The following BICC1 variants were observed in gnomAD, a reference collection of about 807,000 sequenced individuals.
BICC1 encodes the protein BicC family RNA binding protein 1, also known as protein bicaudal C homolog 1.
Under a neutral mutation model 111.0 loss-of-function variants are expected in BICC1, and 43 were observed. The observed-to-expected ratio is 0.39, with a 90% CI of 0.30 to 0.50. The LOEUF (loss-of-function observed/expected upper bound fraction) is 0.50, where lower values mean the gene tolerates loss of function less well. Ranked by LOEUF, BICC1 falls within the 20% of genes least tolerant of loss-of-function variation. The pLI, the probability that BICC1 is intolerant of heterozygous loss-of-function variation, is 0.88. For synonymous variants in BICC1, 467 were observed against 434.4 expected (o/e 1.07, Z -0.93); for missense variants, 1,091 against 1,203.2 (o/e 0.91, Z 1.38).
chr10:58,616,488 G>A (rs1845611258), intron 1 of BICC1, among the ~76,000 whole-genome samples: 1 of 152,218 alleles, frequency 6.6e-6, no homozygotes, highest in African/African-American at 2.4e-5. Flanking sequence ...CTACAGCCAG[G>A]TGGGGGTGTA....
intron 1 of BICC1, among the ~76,000 whole-genome samples, chr10:58,533,227 T>C (rs1258731266): frequency 2.6e-5 from 4 of 151,870 alleles, no homozygotes; most frequent in Non-Finnish European, 5.9e-5. Context: ...TTAAATAATT[T>C]CCATGGGGAA....
chr10:58,623,137 T>C (rs1202316348), intron 2 of BICC1, among the ~76,000 whole-genome samples: 1 of 152,216 alleles, frequency 6.6e-6, no homozygotes, highest in Non-Finnish European at 1.5e-5. Context: ...CTTTATGTTT[T>C]TTTGTACCAT....
chr10:58,630,539 C>T (rs1318833783), intron 2 of BICC1, among the ~76,000 whole-genome samples: 1 of 152,132 alleles, frequency 6.6e-6, no homozygotes, highest in African/African-American at 2.4e-5. Flanking sequence ...AGCCATCCTC[C>T]CACCTTAGCC....
At position 58,716,361 on chromosome 10, in the gene BICC1, A is replaced by G. The variant is rs745990314; in HGVS notation, c.307+14218A>G. ...GGAAATTTCAACTGTGAAAACTACA[A>G]CATATTTACTAACATGCATGAATTT... On this transcript the variant is annotated intron_variant, in intron 3 of 20. Coordinates refer to ENST00000373886, the MANE Select transcript of BICC1 (RefSeq NM_001080512.3). 327 of 1,265,784 alleles carry G rather than the reference A, an allele frequency of 2.6e-4. 1 individual carries two copies. The highest frequency in any genetic ancestry group is 3.1e-4 in the Non-Finnish European group (299 of 952,590). 78.4% of individuals were successfully genotyped at this position (1,265,784 alleles called of 1,614,324 possible).
chr10:58,755,667 AT>A (rs974605507), intron 3 of BICC1, among the ~76,000 whole-genome samples: 13 of 150,528 alleles, frequency 8.6e-5, no homozygotes, highest in African/African-American at 2.7e-4. Flanking sequence ...CCTGTCTTGT[AT>A]TTTTTTTTCT....
chr10:58,762,528 T>C (rs1313135496), intron 3 of BICC1, among the ~76,000 whole-genome samples: 2 of 152,092 alleles, frequency 1.3e-5, no homozygotes, highest in Non-Finnish European at 2.9e-5. Context: ...TTCCACACTA[T>C]GTGGTAAAAG....
intron 20 of BICC1, among the ~76,000 whole-genome samples, chr10:58,826,132 T>C (rs1564634607): frequency 6.6e-6 from 1 of 152,134 alleles, no homozygotes; most frequent in African/African-American, 2.4e-5. Flanking sequence ...AGGATTGTTA[T>C]AAAAAAGCAT....
At chr10:58,569,864 G>T (rs1283085991) in intron 1 of BICC1, among the ~76,000 whole-genome samples, 1 of 152,114 alleles carries the variant, frequency 6.6e-6, no homozygotes, top group African/African-American at 2.4e-5. Context: ...GTGTGCATGT[G>T]TCTTTATAGT....
intron 8 of BICC1, among the ~76,000 whole-genome samples, chr10:58,791,771 A>G (rs945856840): frequency 1.3e-5 from 2 of 152,092 alleles, no homozygotes; most frequent in Non-Finnish European, 2.9e-5. Flanking sequence ...CACAGGAGAA[A>G]TGGAGCATAG....
chr10:58,603,164 A>C (rs191167866), intron 1 of BICC1, among the ~76,000 whole-genome samples: 17 of 152,336 alleles, frequency 1.1e-4, no homozygotes, highest in South Asian at 6.2e-4. Flanking sequence ...ACTGAGAGCA[A>C]ATTTGAATCT....
intron 2 of BICC1, among the ~76,000 whole-genome samples, chr10:58,663,563 C>T (rs1326515059): frequency 6.6e-6 from 1 of 152,178 alleles, no homozygotes; most frequent in Non-Finnish European, 1.5e-5. Context: ...GTGAGCATTA[C>T]TGCCTGAGCT....
chr10:58,555,306 A>ATTTTTTTT (rs61692850), intron 1 of BICC1, among the ~76,000 whole-genome samples: 30 of 102,524 alleles, frequency 2.9e-4, no homozygotes, highest in African/African-American at 5.4e-4. Flanking sequence ...GCTGTTGGAC[A>ATTTTTTTT]TTTTTTTTTT....
At chr10:58,764,613 G>A (rs1461154284) in intron 3 of BICC1, among the ~76,000 whole-genome samples, 1 of 147,044 alleles carries the variant, frequency 6.8e-6, no homozygotes, top group Non-Finnish European at 1.5e-5. Flanking sequence ...CCTGGAAATT[G>A]ATCACTAATT....
At chr10:58,611,741 C>T (rs1290351468) in intron 1 of BICC1, among the ~76,000 whole-genome samples, 2 of 151,982 alleles carry the variant, frequency 1.3e-5, no homozygotes, top group South Asian at 2.1e-4. Context: ...CCTCCCACCT[C>T]GGCCTCCCAA....
At chr10:58,694,021 G>A (rs1457238692) in intron 2 of BICC1, among the ~76,000 whole-genome samples, 1 of 151,964 alleles carries the variant, frequency 6.6e-6, no homozygotes, top group Admixed American at 6.6e-5. Context: ...TTTTGTCACA[G>A]CCCCTTCCTT....
intron 2 of BICC1, among the ~76,000 whole-genome samples, chr10:58,631,639 T>C (rs1383170967): frequency 1.3e-5 from 2 of 152,172 alleles, no homozygotes; most frequent in African/African-American, 4.8e-5. Flanking sequence ...TACCGATAAG[T>C]AGGGAAGGAG....
intron 2 of BICC1, among the ~76,000 whole-genome samples, chr10:58,665,838 T>A (rs1838991904): frequency 6.6e-6 from 1 of 152,222 alleles, no homozygotes; most frequent in South Asian, 2.1e-4. Flanking sequence ...TTCTTTGTTA[T>A]CATTTCTGAT....
chr10:58,745,470 C>G (rs917221805), intron 3 of BICC1, among the ~76,000 whole-genome samples: 1 of 152,018 alleles, frequency 6.6e-6, no homozygotes, highest in Non-Finnish European at 1.5e-5. Context: ...AATTTATTAT[C>G]CTATATTTTT....
chr10:58,526,534 T>C (rs1842547208), intron 1 of BICC1, among the ~76,000 whole-genome samples: 1 of 152,086 alleles, frequency 6.6e-6, no homozygotes, highest in South Asian at 2.1e-4. Flanking sequence ...ACCCATTAAC[T>C]CATCATTTAC....
Sources: gnomAD v4.1 joint callset for allele counts (sites outside exome capture counted in the v4.1 genomes callset) on GRCh38, gnomAD v4.1.1 for gene constraint, MANE v1.5 for transcripts, NCBI Gene and HGNC (gene_info 2026-07-23, HGNC 2026-07-21) for gene names.